The following TARBP1 variants were observed in gnomAD, a reference collection of about 807,000 sequenced individuals.
TARBP1 encodes tRNA (guanosine(18)-2'-O)-methyltransferase TARBP1.
Under a neutral mutation model 178.6 loss-of-function variants are expected in TARBP1, and 144 were observed. The observed-to-expected ratio is 0.81, with a 90% CI of 0.70 to 0.93. The LOEUF (loss-of-function observed/expected upper bound fraction) is 0.93, where lower values mean the gene tolerates loss of function less well. TARBP1 is among the 40% of genes least tolerant of loss of function. The pLI, the probability that TARBP1 is intolerant of heterozygous loss-of-function variation, is 0.00. For synonymous variants in TARBP1, 787 were observed against 781.0 expected (o/e 1.01, Z -0.13); for missense variants, 2,067 against 2,011.7 (o/e 1.03, Z -0.53).
At position 234,427,353 on chromosome 1, in the gene TARBP1, A is replaced by G; in HGVS notation, c.3287T>C (p.Leu1096Pro). The stretch of plus-strand genomic sequence containing the variant: ...AATATTTGCCGCACAGTCATGTCCA[A>G]GGTTTTCTATGAAGGTCTGTACATC... ...VQDVQTFIENLGHDCAANIVM... is the reference protein window; with the variant it reads ...VQDVQTFIENPGHDCAANIVM... The change falls in exon 19 of 30, where the codon CTT becomes CCT. Residue 1096 changes from leucine to proline, a missense_variant. Physicochemically the swap from Leu to Pro is moderately conservative, Grantham distance 98 (BLOSUM62 -3). Transcript: ENST00000040877. 6.2e-7 allele frequency: 1 copy of G among 1,612,590 alleles called. No homozygotes were observed. Among genetic ancestry groups the G allele is most frequent in the Non-Finnish European group, 8.5e-7 (1 of 1,179,320 alleles).
chr1:234,468,367 C>G (rs932549374), intron 3 of TARBP1, among the ~76,000 whole-genome samples: 1 of 152,012 alleles, frequency 6.6e-6, no homozygotes, highest in Admixed American at 6.6e-5. Context: ...GACTGAGACA[C>G]GAGAATCGCT....
intron 21 of TARBP1, 99 bp from the exon 22 acceptor site, chr1:234,418,332 G>A (rs1662678170): frequency 9.5e-7 from 1 of 1,049,004 alleles, no homozygotes; most frequent in Admixed American, 3.2e-5. Context: ...TTTATCATAA[G>A]TAATTTATTG....
intron 12 of TARBP1, among the ~76,000 whole-genome samples, chr1:234,443,595 T>C (rs1322459810): frequency 6.6e-6 from 1 of 152,098 alleles, no homozygotes; most frequent in Non-Finnish European, 1.5e-5. Flanking sequence ...AGAATTACCA[T>C]ATGATGCAGA....
intron 23 of TARBP1, 33 bp from the exon 24 acceptor site, chr1:234,406,132 CA>C (rs1178165325): frequency 6.3e-7 from 1 of 1,595,248 alleles, no homozygotes; most frequent in East Asian, 2.2e-5. Context: ...CCTCAAAACA[CA>C]GACATGGACC....
intron 3 of TARBP1, 74 bp from the exon 4 acceptor site, chr1:234,467,724 T>C (rs1426163502): frequency 7.3e-7 from 1 of 1,367,244 alleles, no homozygotes; most frequent in Non-Finnish European, 9.7e-7. Context: ...TACTCATAAA[T>C]AATGTACAAA....
intron 12 of TARBP1, among the ~76,000 whole-genome samples, chr1:234,444,546 C>T (rs141550286): frequency 6.6e-6 from 1 of 152,214 alleles, no homozygotes; most frequent in East Asian, 1.9e-4. Flanking sequence ...TTCACGATCG[C>T]AACCTCAAGG....
chr1:234,406,306 C>T, intron 23 of TARBP1: 1 of 566,988 alleles, frequency 1.8e-6, no homozygotes. Context: ...AACACATTCT[C>T]CCAGCTCTAG....
Position 234,477,621 on chromosome 1 carries a change from C to G in TARBP1, c.931+552G>C, listed in dbSNP as rs1200424710. Among the ~76,000 whole-genome samples, 10 of 152,306 alleles carry G rather than the reference C, an allele frequency of 6.6e-5. No individual in the cohort carries two copies. In the East Asian group the frequency reaches 1.5e-3, roughly 23 times the overall value. On this transcript the variant is annotated intron_variant, in intron 1 of 29. Coordinates refer to ENST00000040877, the MANE Select transcript of TARBP1 (RefSeq NM_005646.4). ...GTTAAAAAATAAAATCTGATTCATT[C>G]TATTAAATCAATGGCAAAAATACAC...
In TARBP1 at chr1:234,418,143, T is replaced by C. The variant is rs754569190; in HGVS notation, c.3646A>G (p.Ile1216Val). The C allele has an allele frequency of 1.1e-5, 17 of 1,521,988 alleles. No homozygotes were observed. Among genetic ancestry groups the C allele is most frequent in the South Asian group, 6.6e-5 (5 of 75,956 alleles). 94.3% of individuals were successfully genotyped at this position (1,521,988 alleles called of 1,614,324 possible). A position where few individuals can be genotyped will look rare whatever the true frequency, so the allele number is the denominator to read the frequency against. The part of the protein sequence containing the change: ...SIKYFIEWII[I>V]LILHKFPQFL... ...TGAGGGAATTTATGAAGAATCAATA[T>C]AATAATCCATTCTATAAAATATTTT... The change falls in exon 22 of 30, where the codon ATA (isoleucine) becomes GTA (valine). Residue 1216 changes from isoleucine (I) to valine (V), a missense_variant. Transcript: ENST00000040877.
chr1:234,478,712 C>A lies in TARBP1; in HGVS notation c.392G>T (p.Gly131Val). 2 of 1,206,978 alleles carry A rather than the reference C, an allele frequency of 1.7e-6. No individual in the cohort carries two copies. Among genetic ancestry groups the A allele is most frequent in the Non-Finnish European group, 2.1e-6 (2 of 972,392 alleles). The allele number at this position is 1,206,978 out of a possible 1,614,324, so 74.8% of individuals were successfully genotyped here. ...AEEALRDLLA[G>V]WRAPGAEAAV... Reference sequence around the variant, plus strand: ...AGCCTCGGCGCCAGGCGCGCGCCACCCGGCGAGCAGATCGCGCAGCGCCTC... The same window carrying A: ...AGCCTCGGCGCCAGGCGCGCGCCACACGGCGAGCAGATCGCGCAGCGCCTC... The change falls in exon 1 of 30, where the codon GGG (glycine) becomes GTG (valine). Residue 131 changes from glycine (G) to valine (V), a missense_variant. Physicochemically the swap from Gly to Val is moderately radical, Grantham distance 109. Transcript: ENST00000040877.
At chr1:234,436,986 T>C (rs778439706) in intron 13 of TARBP1, among the ~76,000 whole-genome samples, 2 of 152,230 alleles carry the variant, frequency 1.3e-5, no homozygotes, top group Non-Finnish European at 2.9e-5. Flanking sequence ...GCATTGAATG[T>C]GTGTAGTACT....
chr1:234,435,259 G>C (rs551905417), intron 13 of TARBP1, among the ~76,000 whole-genome samples: 1 of 152,232 alleles, frequency 6.6e-6, no homozygotes, highest in African/African-American at 2.4e-5. Context: ...AAACCAGCCT[G>C]ACCAACATAG....
intron 6 of TARBP1, among the ~76,000 whole-genome samples, chr1:234,461,043 T>A (rs1330838973): frequency 5.3e-5 from 8 of 152,124 alleles, no homozygotes; most frequent in Non-Finnish European, 1.2e-4. Flanking sequence ...TAGAAGAGAA[T>A]GAGAAGCGAC....
At chr1:234,424,259 T>C (rs1035089752) in intron 20 of TARBP1, among the ~76,000 whole-genome samples, 3 of 152,242 alleles carry the variant, frequency 2.0e-5, no homozygotes, top group Non-Finnish European at 4.4e-5. Flanking sequence ...TAACTGTATC[T>C]GTCATTTAAA....
chr1:234,423,774 C>T (rs1260869648), intron 20 of TARBP1, among the ~76,000 whole-genome samples: 2 of 142,450 alleles, frequency 1.4e-5, no homozygotes, highest in African/African-American at 5.2e-5. Flanking sequence ...TTTTTAGAGA[C>T]GTAGTCTCAC....
chr1:234,406,939 A>G (rs1661305539), intron 23 of TARBP1: 1 of 152,220 alleles, frequency 6.6e-6, no homozygotes, highest in African/African-American at 2.4e-5. Context: ...GACCAATTCA[A>G]AACAACCATA....
chr1:234,400,665 CAT>C (rs1330923208), intron 25 of TARBP1, among the ~76,000 whole-genome samples: 3 of 152,086 alleles, frequency 2.0e-5, no homozygotes, highest in Non-Finnish European at 4.4e-5. Flanking sequence ...AATTAATTTA[CAT>C]GTTAATCATA....
chr1:234,432,459 A>G (rs1310865200), intron 14 of TARBP1, among the ~76,000 whole-genome samples: 1 of 152,112 alleles, frequency 6.6e-6, no homozygotes, highest in African/African-American at 2.4e-5. Flanking sequence ...TATATATAGG[A>G]AAAGATATAT....
chr1:234,406,626 G>A (rs1403837759), intron 23 of TARBP1: 26 of 152,288 alleles, frequency 1.7e-4, no homozygotes, highest in Admixed American at 1.4e-3. Flanking sequence ...ACTGAGTAGT[G>A]GCAGGAAAAT....
Sources: allele counts gnomAD v4.1 joint callset (sites outside exome capture counted in the v4.1 genomes callset), GRCh38; gene constraint gnomAD v4.1.1; transcripts MANE v1.5; gene names NCBI Gene and HGNC (gene_info 2026-07-23, HGNC 2026-07-21).